KCNB2: variants seen among roughly 807,000 people sequenced by gnomAD.
KCNB2 encodes potassium voltage-gated channel subfamily B member 2.
In KCNB2, 15 loss-of-function variants were observed where a neutral mutation model predicts 61.5. That is an observed-to-expected ratio of 0.24 (90% CI 0.16 to 0.38). KCNB2 has a LOEUF of 0.38. Ranked by LOEUF, KCNB2 falls within the 10% of genes least tolerant of loss-of-function variation. The pLI is 1.00. For missense variants in KCNB2, 828 were observed against 1,125.2 expected (o/e 0.74, Z 3.78); for synonymous variants, 457 against 446.0 (o/e 1.02, Z -0.31).
intron 2 of KCNB2, among the ~76,000 whole-genome samples, chr8:72,682,393 T>C (rs985467121): frequency 1.3e-5 from 2 of 152,068 alleles, no homozygotes; most frequent in Non-Finnish European, 2.9e-5. Flanking sequence ...ACTAGTATTA[T>C]AAAGGAGTTG....
At chr8:72,868,859 C>G (rs1805573541) in intron 2 of KCNB2, among the ~76,000 whole-genome samples, 1 of 152,164 alleles carries the variant, frequency 6.6e-6, no homozygotes, top group African/African-American at 2.4e-5. Context: ...ATGAAAGGCT[C>G]TAACCAGGAC....
At chr8:72,865,249 T>C (rs371570962) in intron 2 of KCNB2, among the ~76,000 whole-genome samples, 4 of 152,154 alleles carry the variant, frequency 2.6e-5, no homozygotes, top group Admixed American at 6.5e-5. Flanking sequence ...TCGCTTACTA[T>C]TGTCCTTTGC....
Position 72,567,822 on chromosome 8 carries a change from A to G in KCNB2, c.88A>G (p.Ser30Gly). 6.2e-7 allele frequency: 1 copy of G among 1,613,994 alleles called. No individual in the cohort carries two copies. Among genetic ancestry groups the G allele is most frequent in the Non-Finnish European group, 8.5e-7 (1 of 1,179,986 alleles). ...LPPEPVDIIR[S>G]KTCSRRVKIN... ...TCCAGAGCCTGTGGACATTATCCGG[A>G]GCAAAACATGCTCCAGGAGAGTTAA... The change falls in exon 2 of 3, where the codon AGC (serine) becomes GGC (glycine). Residue 30 changes from serine to glycine, a missense_variant. Ser to Gly is a moderately conservative substitution (Grantham distance 56). Around this residue, in one of 4 missense-constraint regions of KCNB2, gnomAD observed 62 missense variants for 54.8 expected, o/e 1.13. Transcript: ENST00000523207.
chr8:72,542,262 C>T (rs1181665588), intron 1 of KCNB2, among the ~76,000 whole-genome samples: 2 of 152,086 alleles, frequency 1.3e-5, no homozygotes, highest in African/African-American at 4.8e-5. Context: ...AATATTTAGA[C>T]ATATCCTCAT....
At chr8:72,600,874 AAAT>A (rs1805339015) in intron 2 of KCNB2, among the ~76,000 whole-genome samples, 1 of 152,160 alleles carries the variant, frequency 6.6e-6, no homozygotes, top group Non-Finnish European at 1.5e-5. Context: ...GGATCAGAAA[AAAT>A]AACTAATAGG....
Position 72,775,724 on chromosome 8 carries a change from TAA to T in KCNB2, c.580-160197_580-160196del, listed in dbSNP as rs59529067. Reference sequence around the variant, plus strand: ...ATTAAGTGGCTATATGAATGAGCTTTAAAAAAAAAAAAAAATGACCCACAGGT... The same window carrying T: ...ATTAAGTGGCTATATGAATGAGCTTTAAAAAAAAAAAAATGACCCACAGGT... On this transcript the variant is annotated intron_variant, in intron 2 of 2. Coordinates refer to ENST00000523207, the MANE Select transcript of KCNB2 (RefSeq NM_004770.3). 5.4e-3 allele frequency among the ~76,000 whole-genome samples: 787 copies of T among 145,636 alleles called. 4 individuals carry two copies. The highest frequency in any genetic ancestry group is 0.012 in the African/African-American group (459 of 39,560).
At chr8:72,743,472 C>T (rs191662531) in intron 2 of KCNB2, among the ~76,000 whole-genome samples, 33 of 152,288 alleles carry the variant, frequency 2.2e-4, no homozygotes, top group Middle Eastern at 6.8e-3. Flanking sequence ...TGCCAATTTC[C>T]CTTTAAAAGC....
chr8:72,541,848 T>G (rs940336613), intron 1 of KCNB2, among the ~76,000 whole-genome samples: 6 of 152,120 alleles, frequency 3.9e-5, no homozygotes, highest in Admixed American at 1.3e-4. Flanking sequence ...AAAACAAGTT[T>G]GTGAATTATT....
At chr8:72,697,564 G>A (rs989738231) in intron 2 of KCNB2, among the ~76,000 whole-genome samples, 16 of 152,060 alleles carry the variant, frequency 1.1e-4, no homozygotes, top group Non-Finnish European at 1.3e-4. Context: ...GCTTAAGCCC[G>A]GAGTTCAAGG....
chr8:72,710,238 A>C (rs1274936351), intron 2 of KCNB2, among the ~76,000 whole-genome samples: 1 of 152,200 alleles, frequency 6.6e-6, no homozygotes, highest in African/African-American at 2.4e-5. Flanking sequence ...ACAAAGGAAC[A>C]TTGGTGTTTT....
intron 2 of KCNB2, among the ~76,000 whole-genome samples, chr8:72,798,999 G>A (rs1809076914): frequency 6.6e-6 from 1 of 152,244 alleles, no homozygotes; most frequent in South Asian, 2.1e-4. Context: ...CATCTCTGGG[G>A]GCATTATCAC....
At chr8:72,698,520 T>A (rs1168177736) in intron 2 of KCNB2, among the ~76,000 whole-genome samples, 1 of 152,130 alleles carries the variant, frequency 6.6e-6, no homozygotes, top group African/African-American at 2.4e-5. Context: ...TATTCTAAAT[T>A]TCATATGGAA....
intron 2 of KCNB2, among the ~76,000 whole-genome samples, chr8:72,749,112 G>C (rs1822060): frequency 6.6e-6 from 1 of 151,722 alleles, no homozygotes; most frequent in Non-Finnish European, 1.5e-5. Flanking sequence ...AATCATTTTC[G>C]TTTTCATTTT....
At chr8:72,738,840 C>A (rs1394308872) in intron 2 of KCNB2, among the ~76,000 whole-genome samples, 2 of 152,232 alleles carry the variant, frequency 1.3e-5, no homozygotes, top group East Asian at 3.9e-4. Context: ...AGAGTTTTAT[C>A]ATATTAAGTA....
chr8:72,841,427 G>T (rs1183742123), intron 2 of KCNB2, among the ~76,000 whole-genome samples: 1 of 123,710 alleles, frequency 8.1e-6, no homozygotes, highest in South Asian at 2.5e-4. Context: ...CTCTGTTTTG[G>T]TTCCACATGA....
intron 2 of KCNB2, among the ~76,000 whole-genome samples, chr8:72,570,995 T>G (rs1806699244): frequency 6.6e-6 from 1 of 152,248 alleles, no homozygotes; most frequent in Non-Finnish European, 1.5e-5. Flanking sequence ...GATTTCATAT[T>G]ATTGAAAATA....
chr8:72,707,957 C>G (rs1342666319), intron 2 of KCNB2, among the ~76,000 whole-genome samples: 2 of 152,164 alleles, frequency 1.3e-5, no homozygotes, highest in Non-Finnish European at 2.9e-5. Context: ...TGCTCTCTTC[C>G]TACCCCAAGG....
chr8:72,542,588 T>C (rs1806206275), intron 1 of KCNB2, among the ~76,000 whole-genome samples: 1 of 152,158 alleles, frequency 6.6e-6, no homozygotes. Context: ...AATCATTTGA[T>C]TTACATAATG....
chr8:72,596,176 G>A (rs867810105), intron 2 of KCNB2, among the ~76,000 whole-genome samples: 4 of 152,180 alleles, frequency 2.6e-5, no homozygotes, highest in Non-Finnish European at 2.9e-5. Context: ...GTGAGTAAAT[G>A]ATTTCTTAAA....
Sources: gnomAD v4.1 joint callset for allele counts (sites outside exome capture counted in the v4.1 genomes callset) on GRCh38, gnomAD v4.1.1 for gene constraint, gnomAD v4.1.1 regional missense constraint, MANE v1.5 for transcripts, NCBI Gene and HGNC (gene_info 2026-07-23, HGNC 2026-07-21) for gene names.